Variants in MRTFA observed in about 807,000 individuals in gnomAD.
MRTFA encodes myocardin related transcription factor A.
Under a neutral mutation model 83.5 loss-of-function variants are expected in MRTFA, and 20 were observed. The ratio of observed to expected loss-of-function variants is 0.24; its 90% CI spans 0.17 to 0.35. The LOEUF is 0.35. Among genes scored for constraint, MRTFA ranks in the 10% least tolerant of loss-of-function variants. The probability of loss-of-function intolerance (pLI) is 1.00; values close to 1 mark genes in which losing one functional copy is unlikely to be tolerated. For synonymous variants in MRTFA, 659 were observed against 541.2 expected (o/e 1.22, Z -3.02); for missense variants, 1,200 against 1,224.7 (o/e 0.98, Z 0.30).
In MRTFA at chr22:40,420,847, T is replaced by G; in HGVS notation, c.1181A>C (p.Lys394Thr). Residue 394 changes from lysine to threonine, a missense_variant and splice_region_variant, in exon 10 of 15, where the codon AAG becomes ACG. Around this residue, in one of 2 missense-constraint regions of MRTFA, gnomAD observed 1,107 missense variants for 1,041.8 expected, o/e 1.06. Coordinates refer to ENST00000355630, the MANE Select transcript of MRTFA (RefSeq NM_020831.6). ...CAGGCAGTGAGGAGCGGGTGCCTAC[T>G]TTGGCGGGGCAGGCAGGATGGCCTG... 1 of 1,613,362 alleles carries G rather than the reference T, an allele frequency of 6.2e-7. No homozygotes were observed. The highest frequency in any genetic ancestry group is 8.5e-7 in the Non-Finnish European group (1 of 1,179,862).
chr22:40,582,590 T>C (rs1212619865), intron 2 of MRTFA, among the ~76,000 whole-genome samples: 3 of 151,966 alleles, frequency 2.0e-5, no homozygotes, highest in East Asian at 1.9e-4. Flanking sequence ...CTCTTATTCA[T>C]AGTCTAAAAA....
chr22:40,586,755 C>A (rs2056034876), intron 2 of MRTFA: 1 of 311,708 alleles, frequency 3.2e-6, no homozygotes. Context: ...CTACTGATGT[C>A]TTGGTTGGTA....
intron 4 of MRTFA, among the ~76,000 whole-genome samples, chr22:40,456,042 G>T (rs966087916): frequency 6.6e-6 from 1 of 151,906 alleles, no homozygotes; most frequent in Non-Finnish European, 1.5e-5. Flanking sequence ...AACCAGGCTG[G>T]CCTCGGCCTC....
chr22:40,604,974 T>C (rs544849867), intron 1 of MRTFA, among the ~76,000 whole-genome samples: 2 of 152,258 alleles, frequency 1.3e-5, no homozygotes, highest in East Asian at 3.9e-4. Flanking sequence ...CAGGAAAAGC[T>C]TCCCAGAGGA....
Position 40,568,874 on chromosome 22 carries a change from G to C in MRTFA, c.-21-16507C>G, listed in dbSNP as rs75349390. On this transcript the variant is annotated intron_variant, in intron 2 of 14. Coordinates refer to ENST00000355630, the MANE Select transcript of MRTFA (RefSeq NM_020831.6). ...TGATGTGGATAGCAAAAAAAGAAAA[G>C]GTAAATGCACACCAGCATGAAAATC... Among the ~76,000 whole-genome samples the C allele has an allele frequency of 3.6e-3, 552 of 152,210 alleles. 4 individuals carry two copies. Among genetic ancestry groups the C allele is most frequent in the African/African-American group, 0.013 (530 of 41,532 alleles).
At chr22:40,633,419 C>T (rs776841942) in intron 1 of MRTFA, among the ~76,000 whole-genome samples, 3 of 152,186 alleles carry the variant, frequency 2.0e-5, no homozygotes, top group Non-Finnish European at 4.4e-5. Context: ...ATACAACGAT[C>T]TTTGTTAATA....
At chr22:40,613,821 A>C (rs2056415768) in intron 1 of MRTFA, among the ~76,000 whole-genome samples, 1 of 152,102 alleles carries the variant, frequency 6.6e-6, no homozygotes, top group Admixed American at 6.6e-5. Flanking sequence ...GAAGTGGGAG[A>C]ACTGCTTGAA....
At chr22:40,464,019 C>T (rs1416788474) in intron 3 of MRTFA, among the ~76,000 whole-genome samples, 2 of 151,952 alleles carry the variant, frequency 1.3e-5, no homozygotes, top group Non-Finnish European at 2.9e-5. Context: ...CAACTATCAG[C>T]CAGGCACAGT....
intron 11 of MRTFA, among the ~76,000 whole-genome samples, chr22:40,419,930 C>T (rs1025321007): frequency 5.9e-5 from 9 of 152,184 alleles, no homozygotes; most frequent in African/African-American, 9.6e-5. Flanking sequence ...TGCACCTGAA[C>T]GGCAGAGTGA....
At chr22:40,602,677 TAAAAAAA>T (rs133031) in intron 1 of MRTFA, among the ~76,000 whole-genome samples, 3 of 128,778 alleles carry the variant, frequency 2.3e-5, no homozygotes, top group Non-Finnish European at 5.1e-5. Flanking sequence ...CATCTCCACT[TAAAAAAA>T]AAAAAAAAAA....
chr22:40,509,560 T>A (rs2054633933), intron 3 of MRTFA, among the ~76,000 whole-genome samples: 1 of 152,218 alleles, frequency 6.6e-6, no homozygotes, highest in Non-Finnish European at 1.5e-5. Context: ...TGGTCAAAGT[T>A]TTCTGATAAC....
intron 3 of MRTFA, among the ~76,000 whole-genome samples, chr22:40,475,002 C>T (rs1024613159): frequency 3.9e-5 from 6 of 151,964 alleles, no homozygotes; most frequent in Non-Finnish European, 8.8e-5. Context: ...CCACGCCTGA[C>T]TAATTTTTGT....
At chr22:40,493,981 T>A (rs1012851347) in intron 3 of MRTFA, among the ~76,000 whole-genome samples, 5 of 152,220 alleles carry the variant, frequency 3.3e-5, no homozygotes, top group Non-Finnish European at 7.3e-5. Context: ...TAACAACTCT[T>A]CAGGGGAATG....
chr22:40,475,569 G>A (rs550673517), intron 3 of MRTFA, among the ~76,000 whole-genome samples: 1 of 152,230 alleles, frequency 6.6e-6, no homozygotes, highest in Non-Finnish European at 1.5e-5. Context: ...AATGTTTTAA[G>A]AAAGACACTA....
intron 2 of MRTFA, among the ~76,000 whole-genome samples, chr22:40,559,766 A>AAAAGAAAAG (rs1433880025): frequency 6.6e-6 from 1 of 152,208 alleles, no homozygotes. Flanking sequence ...TTACAATGCA[A>AAAAGAAAAG]AAAGAAAAGA....
chr22:40,590,021 CG>C (rs1181978344), intron 2 of MRTFA, among the ~76,000 whole-genome samples: 4 of 134,794 alleles, frequency 3.0e-5, no homozygotes, highest in East Asian at 2.1e-4. Flanking sequence ...GACTCCGTCT[CG>C]AAAAAAAAAA....
chr22:40,421,420 C>T (rs764067976), intron 9 of MRTFA, among the ~76,000 whole-genome samples: 4 of 152,262 alleles, frequency 2.6e-5, no homozygotes, highest in Admixed American at 6.5e-5. Context: ...TGATGGAGCT[C>T]GGGCTGCGCC....
intron 2 of MRTFA, among the ~76,000 whole-genome samples, chr22:40,553,126 A>C (rs1428898037): frequency 6.6e-6 from 1 of 152,192 alleles, no homozygotes; most frequent in African/African-American, 2.4e-5. Flanking sequence ...GAGATGATTT[A>C]GGGTATCTGG....
chr22:40,521,243 T>A (rs766833489), intron 3 of MRTFA, among the ~76,000 whole-genome samples: 1 of 152,166 alleles, frequency 6.6e-6, no homozygotes, highest in Non-Finnish European at 1.5e-5. Context: ...TGACCTTTTA[T>A]AGCCACATCT....
Sources: gnomAD v4.1 joint callset for allele counts (sites outside exome capture counted in the v4.1 genomes callset) on GRCh38, gnomAD v4.1.1 for gene constraint, gnomAD v4.1.1 regional missense constraint, MANE v1.5 for transcripts, NCBI Gene and HGNC (gene_info 2026-07-23, HGNC 2026-07-21) for gene names.